ZNF385B: variants seen among roughly 807,000 people sequenced by gnomAD.
ZNF385B encodes zinc finger protein 385B.
ZNF385B carries 23 observed loss-of-function variants against 39.2 expected under a neutral mutation model. That is an observed-to-expected ratio of 0.59 (90% CI 0.42 to 0.83). ZNF385B has a LOEUF of 0.83. ZNF385B is among the 40% of genes least tolerant of loss of function. The pLI, the probability that ZNF385B is intolerant of heterozygous loss-of-function variation, is 0.00. For missense variants in ZNF385B, 552 were observed against 598.9 expected, an observed-to-expected ratio of 0.92 and a Z score of 0.82; for synonymous variants, 205 against 222.6, an observed-to-expected ratio of 0.92 and a Z score of 0.70.
intron 3 of ZNF385B, among the ~76,000 whole-genome samples, chr2:179,629,166 G>A (rs1004612240): frequency 3.9e-5 from 6 of 152,096 alleles, no homozygotes; most frequent in Non-Finnish European, 8.8e-5. Context: ...GGAGGAGACT[G>A]ATTTCTTACA....
chr2:179,526,287 C>T (rs1381121882), intron 4 of ZNF385B, among the ~76,000 whole-genome samples: 1 of 151,906 alleles, frequency 6.6e-6, no homozygotes, highest in Admixed American at 6.6e-5. Context: ...ATTCAGAAGG[C>T]TCATTAAAAA....
intron 1 of ZNF385B, among the ~76,000 whole-genome samples, chr2:179,787,019 C>T (rs548344453): frequency 3.3e-5 from 5 of 152,074 alleles, no homozygotes; most frequent in Non-Finnish European, 4.4e-5. Context: ...TTTTCACACA[C>T]GTATTAACCA....
chr2:179,470,383 C>G (rs890995522), intron 6 of ZNF385B, among the ~76,000 whole-genome samples: 1 of 152,188 alleles, frequency 6.6e-6, no homozygotes, highest in Non-Finnish European at 1.5e-5. Context: ...TCCACTTCCT[C>G]CGTGCAGCCT....
intron 3 of ZNF385B, among the ~76,000 whole-genome samples, chr2:179,753,171 C>A (rs1702787109): frequency 6.6e-6 from 1 of 152,184 alleles, no homozygotes; most frequent in Admixed American, 6.5e-5. Flanking sequence ...ATTTGCCCAG[C>A]ACCATTTGTT....
chr2:179,659,716 C>T (rs895712547), intron 3 of ZNF385B, among the ~76,000 whole-genome samples: 1 of 152,110 alleles, frequency 6.6e-6, no homozygotes, highest in Non-Finnish European at 1.5e-5. Flanking sequence ...CATTTAACAA[C>T]ATATAGACGT....
chr2:179,666,632 G>A (rs190840243), intron 3 of ZNF385B, among the ~76,000 whole-genome samples: 1 of 152,086 alleles, frequency 6.6e-6, no homozygotes, highest in Admixed American at 6.5e-5. Context: ...GACACCAAGA[G>A]AGGAAAATCA....
At chr2:179,643,575 T>C (rs896647721) in intron 3 of ZNF385B, among the ~76,000 whole-genome samples, 2 of 152,134 alleles carry the variant, frequency 1.3e-5, no homozygotes, top group Admixed American at 6.6e-5. Flanking sequence ...CAAGGATGAA[T>C]CTCAAAGAGT....
intron 5 of ZNF385B, among the ~76,000 whole-genome samples, chr2:179,513,312 T>C (rs1574536701): frequency 6.6e-6 from 1 of 152,236 alleles, no homozygotes; most frequent in Admixed American, 6.5e-5. Context: ...AACAAGTACA[T>C]GTCACATTTG....
chr2:179,705,318 A>G (rs1252055469), intron 3 of ZNF385B, among the ~76,000 whole-genome samples: 1 of 152,162 alleles, frequency 6.6e-6, no homozygotes, highest in Non-Finnish European at 1.5e-5. Context: ...AACACAGTTT[A>G]TGTTAACAGG....
At chr2:179,830,733 A>G (rs372981428) in intron 1 of ZNF385B, among the ~76,000 whole-genome samples, 8 of 152,210 alleles carry the variant, frequency 5.3e-5, no homozygotes, top group African/African-American at 1.4e-4. Flanking sequence ...TAGGTGGAAC[A>G]TGGGAATTTT....
chr2:179,826,751 C>A (rs947717758), intron 1 of ZNF385B, among the ~76,000 whole-genome samples: 2 of 152,026 alleles, frequency 1.3e-5, no homozygotes, highest in African/African-American at 2.4e-5. Context: ...CTAGCACCTC[C>A]CCACAAAACA....
intron 1 of ZNF385B, among the ~76,000 whole-genome samples, chr2:179,809,584 A>G (rs1706607610): frequency 1.3e-5 from 2 of 152,290 alleles, no homozygotes; most frequent in Middle Eastern, 3.4e-3. Flanking sequence ...AGATTCAACT[A>G]CAGATAAAAG....
At chr2:179,646,721 G>A (rs1267275165) in intron 3 of ZNF385B, among the ~76,000 whole-genome samples, 1 of 152,136 alleles carries the variant, frequency 6.6e-6, no homozygotes, top group Non-Finnish European at 1.5e-5. Context: ...TGCAAAGTGA[G>A]TACATTTATA....
At position 179,797,624 on chromosome 2, in the gene ZNF385B, G is replaced by A. The variant is rs551011601; in HGVS notation, c.-154-26952C>T. ...TGCAATTTATTTGTGAAAGAAACCA[G>A]ATTATTGGTACTTCAGAGTTTTCCA... is the stretch of plus-strand genomic sequence containing the variant. On this transcript the variant is annotated intron_variant, in intron 1 of 9. Coordinates refer to ENST00000410066, the MANE Select transcript of ZNF385B (RefSeq NM_152520.6). 1.2e-4 allele frequency among the ~76,000 whole-genome samples: 19 copies of A among 152,272 alleles called. No individual in the cohort carries two copies. In the East Asian group the frequency reaches 3.7e-3, roughly 29 times the overall value.
At chr2:179,561,802 T>G (rs1460404434) in intron 3 of ZNF385B, among the ~76,000 whole-genome samples, 1 of 152,134 alleles carries the variant, frequency 6.6e-6, no homozygotes, top group African/African-American at 2.4e-5. Context: ...TCCAGAGAGA[T>G]TTCTATGCCC....
intron 5 of ZNF385B, among the ~76,000 whole-genome samples, chr2:179,512,054 A>G (rs2057725949): frequency 6.6e-6 from 1 of 152,162 alleles, no homozygotes; most frequent in Non-Finnish European, 1.5e-5. Flanking sequence ...TTTAGGGACA[A>G]TGTATCTCAT....
intron 3 of ZNF385B, among the ~76,000 whole-genome samples, chr2:179,581,110 T>C (rs903530245): frequency 2.6e-5 from 4 of 152,204 alleles, no homozygotes; most frequent in African/African-American, 7.2e-5. Context: ...CAGTCCCATG[T>C]ATGTAAATAC....
intron 3 of ZNF385B, among the ~76,000 whole-genome samples, chr2:179,670,291 C>CAAAAAA (rs35600247): frequency 9.9e-6 from 1 of 100,574 alleles, no homozygotes; most frequent in Non-Finnish European, 2.0e-5. Flanking sequence ...GACTCCGTCT[C>CAAAAAA]AAAAAAAAAA....
chr2:179,628,289 T>G (rs1690858219), intron 3 of ZNF385B, among the ~76,000 whole-genome samples: 1 of 152,210 alleles, frequency 6.6e-6, no homozygotes, highest in Non-Finnish European at 1.5e-5. Flanking sequence ...CCAGACTATC[T>G]GGATGAAATG....
Sources: allele counts gnomAD v4.1 joint callset (sites outside exome capture counted in the v4.1 genomes callset), GRCh38; gene constraint gnomAD v4.1.1; transcripts MANE v1.5; gene names NCBI Gene and HGNC (gene_info 2026-07-23, HGNC 2026-07-21).